The following PIP5K1C variants were observed in gnomAD, a reference collection of about 807,000 sequenced individuals.
PIP5K1C encodes phosphatidylinositol-4-phosphate 5-kinase type 1 gamma.
Under a neutral mutation model 80.1 loss-of-function variants are expected in PIP5K1C, and 45 were observed. That is an observed-to-expected ratio of 0.56 (90% CI 0.44 to 0.72). The LOEUF is 0.72. Ranked by LOEUF, PIP5K1C falls within the 30% of genes least tolerant of loss-of-function variation. The pLI, the probability that PIP5K1C is intolerant of heterozygous loss-of-function variation, is 0.00. For synonymous variants in PIP5K1C, 498 were observed against 420.1 expected (o/e 1.19, Z -2.27); for missense variants, 753 against 954.6 (o/e 0.79, Z 2.78).
At chr19:3,671,737 C>T (rs1568344361) in intron 1 of PIP5K1C, among the ~76,000 whole-genome samples, 1 of 152,274 alleles carries the variant, frequency 6.6e-6, no homozygotes, top group South Asian at 2.1e-4. Context: ...TTGCTGCCAC[C>T]GCCTGCCCAG....
chr19:3,666,359 C>T (rs1386187864), intron 2 of PIP5K1C, among the ~76,000 whole-genome samples: 3 of 152,220 alleles, frequency 2.0e-5, no homozygotes, highest in South Asian at 2.1e-4. Flanking sequence ...GGCCACTCGG[C>T]GCCACGGGGC....
At chr19:3,680,962 C>G (rs1254018957) in intron 1 of PIP5K1C, among the ~76,000 whole-genome samples, 1 of 152,202 alleles carries the variant, frequency 6.6e-6, no homozygotes, top group Non-Finnish European at 1.5e-5. Context: ...TGCTCAGCCC[C>G]CTGCAGTGCC....
At chr19:3,678,288 G>A in intron 1 of PIP5K1C, among the ~76,000 whole-genome samples, 2 of 129,916 alleles carry the variant, frequency 1.5e-5, no homozygotes, top group African/African-American at 5.9e-5. Flanking sequence ...AGGGGTGGAG[G>A]GATGGAGGGA....
intron 3 of PIP5K1C, 61 bp from the exon 4 acceptor site, chr19:3,662,062 G>A (rs1364240243): frequency 6.5e-7 from 1 of 1,530,402 alleles, no homozygotes. Context: ...TGCACCCCCT[G>A]TGTGCACCGG....
At chr19:3,691,543 GCAAA>G (rs2035950512) in intron 1 of PIP5K1C, among the ~76,000 whole-genome samples, 1 of 152,096 alleles carries the variant, frequency 6.6e-6, no homozygotes, top group South Asian at 2.1e-4. Context: ...GCCAAGAGCC[GCAAA>G]CAGTCGGGAG....
At chr19:3,649,043 GTTAA>G (rs1223728769) in intron 8 of PIP5K1C, among the ~76,000 whole-genome samples, 10 of 149,698 alleles carry the variant, frequency 6.7e-5, no homozygotes, top group South Asian at 4.2e-4. Flanking sequence ...AGACTGGGGA[GTTAA>G]TTGTCACCCG....
At chr19:3,642,975 G>A (rs1318891444) in intron 13 of PIP5K1C, 36 bp from the exon 14 acceptor site, 3 of 1,612,168 alleles carry the variant, frequency 1.9e-6, no homozygotes, top group East Asian at 2.2e-5. Flanking sequence ...CACCCAGAAA[G>A]AGAGTGGCCC....
Position 3,643,279 on chromosome 19 carries a change from C to T in PIP5K1C, c.1613G>A (p.Arg538Gln), listed in dbSNP as rs762902576. 24 of 1,613,818 alleles carry T rather than the reference C, an allele frequency of 1.5e-5. No homozygotes were observed. The highest frequency in any genetic ancestry group is 1.6e-4 in the Middle Eastern group (1 of 6,084). ...LSSTSLSIPE[R>Q]SPSETSEQPR... ...CTGCTCCGACGTCTCCGAGGGGGAC[C>T]GCTCAGGAATGGAGAGGGATGTGGA... The change falls in exon 13 of 18, where the codon CGG (arginine) becomes CAG (glutamine). Residue 538 changes from arginine (R) to glutamine (Q), a missense_variant. Transcript: ENST00000335312.
At chr19:3,640,494 C>A (rs564280167) in intron 15 of PIP5K1C, among the ~76,000 whole-genome samples, 1 of 152,112 alleles carries the variant, frequency 6.6e-6, no homozygotes. Flanking sequence ...CCAGCCTGGG[C>A]AACAGAGCGA....
chr19:3,685,751 T>C (rs1259036487), intron 1 of PIP5K1C, among the ~76,000 whole-genome samples: 5 of 152,022 alleles, frequency 3.3e-5, no homozygotes, highest in East Asian at 3.9e-4. Context: ...AAAAGTTTTA[T>C]TGGAACATGG....
At chr19:3,650,489 G>T (rs928388943) in intron 8 of PIP5K1C, among the ~76,000 whole-genome samples, 2 of 152,248 alleles carry the variant, frequency 1.3e-5, no homozygotes, top group Non-Finnish European at 2.9e-5. Flanking sequence ...TGTCACAACT[G>T]GGGGGTGCTC....
chr19:3,693,870 C>T (rs1409393431), intron 1 of PIP5K1C, among the ~76,000 whole-genome samples: 2 of 152,042 alleles, frequency 1.3e-5, no homozygotes, highest in East Asian at 1.9e-4. Flanking sequence ...TCGAGACCCT[C>T]GCACCCTGGA....
intron 1 of PIP5K1C, among the ~76,000 whole-genome samples, chr19:3,695,943 C>T (rs527313809): frequency 6.6e-6 from 1 of 152,034 alleles, no homozygotes; most frequent in Non-Finnish European, 1.5e-5. Context: ...TTGCTCCAGG[C>T]TGGTCTCAAA....
At chr19:3,695,808 C>T (rs763258654) in intron 1 of PIP5K1C, among the ~76,000 whole-genome samples, 4 of 151,514 alleles carry the variant, frequency 2.6e-5, no homozygotes, top group Admixed American at 6.6e-5. Flanking sequence ...AGTGCAGCCT[C>T]AGCCTCCCAG....
At chr19:3,641,845 C>T (rs769026511) in intron 14 of PIP5K1C, 36 bp from the exon 15 acceptor site, 1 of 1,536,486 alleles carries the variant, frequency 6.5e-7, no homozygotes, top group Non-Finnish European at 8.9e-7. Context: ...CGGTTTCCCT[C>T]CTCACTTCCC....
chr19:3,695,166 T>C lies in PIP5K1C; in HGVS notation c.94+5131A>G, dbSNP rs145063684. Among the ~76,000 whole-genome samples the C allele has an allele frequency of 3.8e-3, 575 of 152,270 alleles. 3 individuals are homozygous for C. The highest frequency in any genetic ancestry group is 6.1e-3 in the Non-Finnish European group (418 of 68,004). On this transcript the variant is annotated intron_variant, in intron 1 of 17. Coordinates refer to ENST00000335312, the MANE Select transcript of PIP5K1C (RefSeq NM_012398.3). ...CAAGGGGTCAGCGAGGCAGTCCCGTTAGCACCAGAAGACTGGGCACCCTGA... is the reference window on the plus strand; with the variant it reads ...CAAGGGGTCAGCGAGGCAGTCCCGTCAGCACCAGAAGACTGGGCACCCTGA...
chr19:3,683,037 C>T (rs561473787), intron 1 of PIP5K1C, among the ~76,000 whole-genome samples: 7 of 150,914 alleles, frequency 4.6e-5, no homozygotes, highest in African/African-American at 1.7e-4. Context: ...GCACAGGCTG[C>T]GCCTCTGCCT....
chr19:3,647,767 T>A (rs150635233), intron 9 of PIP5K1C, among the ~76,000 whole-genome samples: 2 of 152,098 alleles, frequency 1.3e-5, no homozygotes, highest in Non-Finnish European at 2.9e-5. Flanking sequence ...GCCAACATGG[T>A]GAAACCCCAT....
intron 4 of PIP5K1C, among the ~76,000 whole-genome samples, chr19:3,661,534 T>C (rs1015477790): frequency 9.2e-5 from 14 of 152,230 alleles, no homozygotes; most frequent in Admixed American, 7.8e-4. Flanking sequence ...GAGCTGTATA[T>C]TGAGGATGGC....
Sources: gnomAD v4.1 joint callset for allele counts (sites outside exome capture counted in the v4.1 genomes callset) on GRCh38, gnomAD v4.1.1 for gene constraint, MANE v1.5 for transcripts, NCBI Gene and HGNC (gene_info 2026-07-23, HGNC 2026-07-21) for gene names.